The following ANK2 variants were observed in gnomAD, a reference collection of about 807,000 sequenced individuals.
The protein encoded by ANK2 is ankyrin-2.
ANK2 carries 83 observed loss-of-function variants against 360.5 expected under a neutral mutation model. That is an observed-to-expected ratio of 0.23 (90% confidence interval 0.19 to 0.28). The LOEUF (loss-of-function observed/expected upper bound fraction) is 0.28, where lower values mean the gene tolerates loss of function less well. Among genes scored for constraint, ANK2 ranks in the 10% least tolerant of loss-of-function variants. The probability of loss-of-function intolerance (pLI) is 1.00; values close to 1 mark genes in which losing one functional copy is unlikely to be tolerated. For missense variants in ANK2, 4,201 were observed against 4,795.7 expected, an observed-to-expected ratio of 0.88 and a Z score of 3.66; for synonymous variants, 1,740 against 1,759.5, an observed-to-expected ratio of 0.99 and a Z score of 0.28.
intron 2 of ANK2, among the ~76,000 whole-genome samples, chr4:112,999,888 G>T (rs758344420): frequency 2.1e-4 from 32 of 152,310 alleles, no homozygotes; most frequent in Non-Finnish European, 4.7e-4. Flanking sequence ...GTTCAATAAT[G>T]TGTAGTAAAG....
In ANK2 at chr4:112,957,843, C is replaced by T. The variant is rs535831164; in HGVS notation, c.21+53329C>T. Among the ~76,000 whole-genome samples, 483 of 147,134 alleles carry T rather than the reference C, an allele frequency of 3.3e-3. 2 individuals carry two copies. The highest frequency in any genetic ancestry group is 0.012 in the African/African-American group (444 of 38,302). ...GGGGCTCCTCACTTCTCAGACGGGG[C>T]GGTTGCCAGGCAGAGGGTCTCCTCA... On this transcript the variant is annotated intron_variant, in intron 2 of 30. Coordinates refer to the ANK2 transcript ENST00000503271.
At chr4:112,738,290 C>T in the ANK2 span, among the ~76,000 whole-genome samples, 1 of 151,552 alleles carries the variant, frequency 6.6e-6, no homozygotes. Context: ...TGGGCACCTG[C>T]AATCCAAGCT....
chr4:112,805,578 ATT>A, the ANK2 span, among the ~76,000 whole-genome samples: 3,710 of 144,296 alleles, frequency 0.026, 80 homozygotes, highest in African/African-American at 0.062. Flanking sequence ...AGGCATGCAG[ATT>A]TTTTTTTTTT....
chr4:113,344,315 T>A (rs1287597300), intron 34 of ANK2, among the ~76,000 whole-genome samples: 2 of 151,956 alleles, frequency 1.3e-5, no homozygotes, highest in Non-Finnish European at 2.9e-5. Context: ...CGTAGGGAAA[T>A]GCAAATCAAA....
chr4:112,731,008 G>A, the ANK2 span, among the ~76,000 whole-genome samples: 1 of 152,040 alleles, frequency 6.6e-6, no homozygotes, highest in Non-Finnish European at 1.5e-5. Context: ...TGGGCATGGT[G>A]GCCCGTGCCT....
chr4:113,371,990 A>G (rs2096754119), intron 43 of ANK2, among the ~76,000 whole-genome samples: 1 of 152,222 alleles, frequency 6.6e-6, no homozygotes. Context: ...TCTCCATAGA[A>G]TTATTCTAAT....
At chr4:113,147,137 G>A (rs1253360755) in intron 1 of ANK2, among the ~76,000 whole-genome samples, 1 of 152,150 alleles carries the variant, frequency 6.6e-6, no homozygotes, top group African/African-American at 2.4e-5. Context: ...GAGGACAGTA[G>A]TTCCAGCATG....
chr4:113,207,686 C>CAAAAAAAAAAA (rs34818513), intron 4 of ANK2, among the ~76,000 whole-genome samples: 2 of 101,654 alleles, frequency 2.0e-5, no homozygotes, highest in Non-Finnish European at 2.0e-5. Context: ...GATCACAAAG[C>CAAAAAAAAAAA]AAAAAAAAAA....
intron 2 of ANK2, among the ~76,000 whole-genome samples, chr4:112,932,491 CAAAAAAAAAAAAA>C (rs750709290): frequency 1.3e-4 from 7 of 54,618 alleles, no homozygotes; most frequent in African/African-American, 4.6e-4. Context: ...GACTCCGTCT[CAAAAAAAAAAAAA>C]AAAAAAAAGA....
At chr4:112,988,546 C>G (rs1338739196) in intron 2 of ANK2, among the ~76,000 whole-genome samples, 1 of 152,158 alleles carries the variant, frequency 6.6e-6, no homozygotes, top group East Asian at 1.9e-4. Flanking sequence ...GGAGAGGAAA[C>G]AGTTTGCTAC....
At chr4:112,835,435 T>C (rs2060791909) in intron 1 of ANK2, among the ~76,000 whole-genome samples, 1 of 152,158 alleles carries the variant, frequency 6.6e-6, no homozygotes, top group African/African-American at 2.4e-5. Flanking sequence ...ACTTATGCAT[T>C]TATAATGAAT....
intron 2 of ANK2, among the ~76,000 whole-genome samples, chr4:112,999,706 A>G (rs577534440): frequency 1.3e-5 from 2 of 151,614 alleles, no homozygotes; most frequent in South Asian, 4.2e-4. Context: ...CATATTCTCC[A>G]TTTTCAGAAT....
At chr4:112,767,138 A>C in the ANK2 span, among the ~76,000 whole-genome samples, 1 of 152,234 alleles carries the variant, frequency 6.6e-6, no homozygotes, top group Non-Finnish European at 1.5e-5. Context: ...TGAATCCTTT[A>C]ATTAAATTCC....
At chr4:113,129,199 A>AT (rs1347923714) in intron 1 of ANK2, among the ~76,000 whole-genome samples, 3 of 152,196 alleles carry the variant, frequency 2.0e-5, no homozygotes, top group Non-Finnish European at 4.4e-5. Context: ...GAAGGGACAG[A>AT]TTTTTTTATA....
chr4:112,957,544 G>C lies in ANK2; in HGVS notation c.21+53030G>C, dbSNP rs1052084144. Among the ~76,000 whole-genome samples, 22 of 152,242 alleles carry C rather than the reference G, an allele frequency of 1.4e-4. No individual in the cohort carries two copies. In the East Asian group the frequency reaches 4.1e-3, roughly 28 times the overall value. On this transcript the variant is annotated intron_variant, in intron 2 of 30. Transcript: ENST00000503271. ...GAGCTGTTGGGTACACCTCCCAGAC[G>C]GGGTGGTGGCCGGGCAGAAGGGCTC...
intron 10 of ANK2, among the ~76,000 whole-genome samples, chr4:113,251,269 G>A (rs2046201435): frequency 6.6e-6 from 1 of 152,038 alleles, no homozygotes; most frequent in Non-Finnish European, 1.5e-5. Context: ...AATGAAGATG[G>A]CAGGTTACCT....
intron 8 of ANK2, among the ~76,000 whole-genome samples, chr4:113,240,849 T>C (rs1218589659): frequency 1.3e-5 from 2 of 152,228 alleles, no homozygotes; most frequent in East Asian, 3.8e-4. Flanking sequence ...TGAACAGTTA[T>C]ATTTAACGAT....
At chr4:113,120,082 T>C (rs1244470744) in intron 1 of ANK2, among the ~76,000 whole-genome samples, 1 of 152,102 alleles carries the variant, frequency 6.6e-6, no homozygotes, top group Non-Finnish European at 1.5e-5. Context: ...CTTACTATAA[T>C]ATGTTCAGAT....
rs117768632 is a variant in ANK2, at chr4:113,174,559, A to G, written c.186+42A>G. On this transcript the variant is annotated intron_variant, in intron 2 of 45. Transcript: ENST00000357077. ...TAGCTCTGTGTTGTGCAACGAAGGA[A>G]CACTCATTACATTCTCAGAGCCCAA... The G allele has an allele frequency of 1.5e-4, 207 of 1,365,904 alleles. No individual in the cohort carries two copies. In the East Asian group the frequency reaches 4.4e-3, roughly 29 times the overall value. The allele number at this position is 1,365,904 out of a possible 1,614,324, so 84.6% of individuals were successfully genotyped here.
Sources: gnomAD v4.1 joint callset for allele counts (sites outside exome capture counted in the v4.1 genomes callset) on GRCh38, gnomAD v4.1.1 for gene constraint, MANE v1.5 for transcripts, NCBI Gene and HGNC (gene_info 2026-07-23, HGNC 2026-07-21) for gene names.